VAV1: variants seen among roughly 807,000 people sequenced by gnomAD.
VAV1 encodes the protein vav guanine nucleotide exchange factor 1, also known as proto-oncogene vav.
In VAV1, 33 loss-of-function variants were observed where a neutral mutation model predicts 128.1. That is an observed-to-expected ratio of 0.26 (90% CI 0.20 to 0.34). The LOEUF (loss-of-function observed/expected upper bound fraction) is 0.34. VAV1 is among the 10% of genes least tolerant of loss of function. The pLI, the probability that VAV1 is intolerant of heterozygous loss-of-function variation, is 1.00. For missense variants in VAV1, 715 were observed against 1,093.7 expected (o/e 0.65, Z 4.88); for synonymous variants, 394 against 409.8 (o/e 0.96, Z 0.47).
At chr19:6,846,358 G>T (rs937730850) in intron 22 of VAV1, among the ~76,000 whole-genome samples, 2 of 151,046 alleles carry the variant, frequency 1.3e-5, no homozygotes, top group African/African-American at 2.4e-5. Context: ...AGGCTGAGGC[G>T]GGTGGATCAC....
chr19:6,844,564 T>C (rs750553569), intron 22 of VAV1, among the ~76,000 whole-genome samples: 12 of 152,142 alleles, frequency 7.9e-5, no homozygotes, highest in Non-Finnish European at 1.5e-4. Flanking sequence ...AGGTGCACTA[T>C]TGCCATTTAT....
At chr19:6,856,253 C>T (rs957581896) in intron 26 of VAV1, among the ~76,000 whole-genome samples, 19 of 151,474 alleles carry the variant, frequency 1.3e-4, no homozygotes, top group South Asian at 2.1e-4. Flanking sequence ...GCTGAGATCG[C>T]GCCACTGCAC....
intron 1 of VAV1, among the ~76,000 whole-genome samples, chr19:6,786,273 G>A (rs908939816): frequency 6.6e-6 from 1 of 152,020 alleles, no homozygotes; most frequent in African/African-American, 2.4e-5. Context: ...TAACACAGGG[G>A]CTGGCAAATG....
chr19:6,789,991 C>T (rs555056955), intron 1 of VAV1, among the ~76,000 whole-genome samples: 15 of 152,110 alleles, frequency 9.9e-5, no homozygotes, highest in African/African-American at 3.6e-4. Flanking sequence ...GGATCTCCAA[C>T]ATGGTGAAAC....
chr19:6,824,078 C>T (rs976010381), intron 6 of VAV1, among the ~76,000 whole-genome samples: 3 of 151,978 alleles, frequency 2.0e-5, no homozygotes, highest in East Asian at 1.9e-4. Context: ...GCTGGGGCCA[C>T]GGGTGCATGC....
At chr19:6,844,969 A>G (rs560331429) in intron 22 of VAV1, among the ~76,000 whole-genome samples, 1 of 152,298 alleles carries the variant, frequency 6.6e-6, no homozygotes, top group African/African-American at 2.4e-5. Context: ...TGAGTCGGGC[A>G]GTCAGATTCT....
intron 1 of VAV1, among the ~76,000 whole-genome samples, chr19:6,806,911 A>G (rs192532946): frequency 1.7e-3 from 253 of 152,346 alleles, no homozygotes; most frequent in Non-Finnish European, 2.6e-3. Flanking sequence ...GTGATGGTTG[A>G]TAAGAACTTG....
intron 21 of VAV1, among the ~76,000 whole-genome samples, chr19:6,839,089 G>A (rs1430760661): frequency 1.3e-5 from 2 of 151,968 alleles, no homozygotes; most frequent in Non-Finnish European, 2.9e-5. Flanking sequence ...TTTTAGTAGA[G>A]ATGGAGTTTC....
intron 1 of VAV1, among the ~76,000 whole-genome samples, chr19:6,815,341 C>A (rs927596120): frequency 6.6e-6 from 1 of 151,976 alleles, no homozygotes; most frequent in South Asian, 2.1e-4. Context: ...AGTGTCTCTC[C>A]GTGTTGCTCA....
intron 1 of VAV1, among the ~76,000 whole-genome samples, chr19:6,776,692 C>T (rs1432985501): frequency 6.6e-6 from 1 of 151,740 alleles, no homozygotes; most frequent in Non-Finnish European, 1.5e-5. Flanking sequence ...ATCCACCCAC[C>T]CACCCATTCA....
At chr19:6,831,360 G>A (rs901080023) in intron 14 of VAV1, among the ~76,000 whole-genome samples, 2 of 152,122 alleles carry the variant, frequency 1.3e-5, no homozygotes, top group Non-Finnish European at 2.9e-5. Context: ...TCACCAGGCT[G>A]GAGTGCAGAG....
At position 6,810,994 on chromosome 19, in the gene VAV1, G is replaced by A. The variant is rs376740204; in HGVS notation, c.205-9708G>A. 5.3e-5 allele frequency among the ~76,000 whole-genome samples: 8 copies of A among 152,148 alleles called. No individual in the cohort carries two copies. In the South Asian group the frequency reaches 6.2e-4, roughly 12 times the overall value. On this transcript the variant is annotated intron_variant, in intron 1 of 26. Coordinates refer to ENST00000602142, the MANE Select transcript of VAV1 (RefSeq NM_005428.4). The stretch of plus-strand genomic sequence containing the variant: ...CAAAACCTTTGTCCTCATCTGGAAC[G>A]GAGGTACAGACTGTCTCTTAGTTAC...
At chr19:6,850,146 T>C (rs1972628805) in intron 23 of VAV1, among the ~76,000 whole-genome samples, 1 of 151,286 alleles carries the variant, frequency 6.6e-6, no homozygotes, top group South Asian at 2.1e-4. Flanking sequence ...CTTTTTTTTT[T>C]TTTGAGAGCT....
chr19:6,832,699 CTTTCCTCCTCTTCCTCTTCTTCCT>C (rs1972112968), intron 15 of VAV1, among the ~76,000 whole-genome samples: 1 of 145,518 alleles, frequency 6.9e-6, no homozygotes, highest in Admixed American at 7.0e-5. Context: ...TTCCTCCTCC[CTTTCCTCCTCTTCCTCTTCTTCCT>C]TTTCCTCCTC....
intron 1 of VAV1, among the ~76,000 whole-genome samples, chr19:6,814,637 CT>C (rs1971581890): frequency 1.2e-5 from 1 of 82,034 alleles, no homozygotes; most frequent in Non-Finnish European, 2.3e-5. Flanking sequence ...TTTTCTTTCT[CT>C]CCTTCCTTCC....
Position 6,828,401 on chromosome 19 carries a change from A to T in VAV1, c.1024-18A>T. ...AGGGGAGGGGCCCAGGTGACGTCTG[A>T]CGTCTTGGTTCTCTCAGGAGCTGGT... On this transcript the variant is annotated intron_variant, in intron 10 of 26. Coordinates refer to ENST00000602142, the MANE Select transcript of VAV1 (RefSeq NM_005428.4). The surrounding 1 kb of genome is among the most constrained non-coding windows in gnomAD (Gnocchi z 4.5). The T allele has an allele frequency of 6.2e-7, 1 of 1,613,896 alleles. No individual in the cohort carries two copies. Among genetic ancestry groups the T allele is most frequent in the East Asian group, 2.2e-5 (1 of 44,862 alleles).
At position 6,826,455 on chromosome 19, in the gene VAV1, A is replaced by G. The variant is rs186932995; in HGVS notation, c.828-157A>G. ...AATGAGATAATGCTACAATAGCCTCACATGGGAGATGCTATTGTTATGCCC... is the reference window on the plus strand; with the variant it reads ...AATGAGATAATGCTACAATAGCCTCGCATGGGAGATGCTATTGTTATGCCC... On this transcript the variant is annotated intron_variant, in intron 8 of 26. Transcript: ENST00000602142. This position sits in a 1 kb window ranked among gnomAD's most constrained non-coding sequence, Gnocchi z 4.1. Among the ~76,000 whole-genome samples, 189 of 152,366 alleles carry G rather than the reference A, an allele frequency of 1.2e-3. No individual in the cohort carries two copies. The highest frequency in any genetic ancestry group is 4.4e-3 in the African/African-American group (181 of 41,590).
intron 23 of VAV1, 28 bp downstream of exon 23, chr19:6,848,142 C>T (rs1172615611): frequency 2.0e-6 from 3 of 1,524,950 alleles, no homozygotes; most frequent in African/African-American, 2.9e-5. Flanking sequence ...GACTCATACC[C>T]TTTTGGGGCC....
intron 1 of VAV1, among the ~76,000 whole-genome samples, chr19:6,776,077 TATCCATCCATCCATCC>T (rs56806852): frequency 1.9e-4 from 25 of 129,262 alleles, no homozygotes; most frequent in South Asian, 5.5e-4. Flanking sequence ...TCCATCCATT[TATCCATCCATCCATCC>T]ATCCATCCAT....
Sources: gnomAD v4.1 joint callset for allele counts (sites outside exome capture counted in the v4.1 genomes callset) on GRCh38, gnomAD v4.1.1 for gene constraint, Gnocchi (gnomAD v3.1) non-coding constraint, MANE v1.5 for transcripts, NCBI Gene and HGNC (gene_info 2026-07-23, HGNC 2026-07-21) for gene names.